WWOX: variants seen among roughly 807,000 people sequenced by gnomAD.
WWOX encodes WW domain containing oxidoreductase.
A neutral mutation model predicts 46.2 loss-of-function variants in WWOX; 69 were observed. The observed-to-expected ratio is 1.49, with a 90% CI of 1.23 to 1.82. The LOEUF (loss-of-function observed/expected upper bound fraction) is 1.82. Ranked by LOEUF, WWOX falls within the 40% of genes most tolerant of loss-of-function variation. WWOX has a pLI of 0.00. For synonymous variants in WWOX, 359 were observed against 202.6 expected (o/e 1.77, Z -6.56); for missense variants, 919 against 542.6 (o/e 1.69, Z -6.89).
At chr16:78,931,744 T>C (rs960499133) in intron 8 of WWOX, among the ~76,000 whole-genome samples, 1 of 152,180 alleles carries the variant, frequency 6.6e-6, no homozygotes, top group Non-Finnish European at 1.5e-5. Flanking sequence ...GGGCAGAAGT[T>C]TGAAGGCAAT....
intron 5 of WWOX, among the ~76,000 whole-genome samples, chr16:78,263,507 A>G (rs1241104977): frequency 6.6e-6 from 1 of 152,164 alleles, no homozygotes; most frequent in Non-Finnish European, 1.5e-5. Flanking sequence ...GCTCATTAAC[A>G]CCATGCAGTG....
chr16:78,248,453 A>G (rs1393647490), intron 5 of WWOX, among the ~76,000 whole-genome samples: 1 of 152,120 alleles, frequency 6.6e-6, no homozygotes, highest in African/African-American at 2.4e-5. Flanking sequence ...TTTGGACATG[A>G]AGGCTGGGTG....
chr16:79,085,385 G>A (rs1352372768), intron 8 of WWOX, among the ~76,000 whole-genome samples: 1 of 152,164 alleles, frequency 6.6e-6, no homozygotes, highest in African/African-American at 2.4e-5. Context: ...TCACTCTTCT[G>A]GGAGGTTCCC....
intron 5 of WWOX, among the ~76,000 whole-genome samples, chr16:78,284,564 T>C (rs1338703063): frequency 6.6e-6 from 1 of 152,246 alleles, no homozygotes; most frequent in Admixed American, 6.5e-5. Flanking sequence ...TACTCTTTTC[T>C]TGGACACAGT....
At chr16:78,672,293 C>T (rs1230174077) in intron 8 of WWOX, among the ~76,000 whole-genome samples, 2 of 152,152 alleles carry the variant, frequency 1.3e-5, no homozygotes, top group Non-Finnish European at 2.9e-5. Flanking sequence ...CAAATGCAAG[C>T]AGGGGCATTC....
At chr16:78,783,425 G>A (rs997165458) in intron 8 of WWOX, among the ~76,000 whole-genome samples, 1 of 152,214 alleles carries the variant, frequency 6.6e-6, no homozygotes, top group Admixed American at 6.5e-5. Flanking sequence ...AAGAGAGGAA[G>A]GAGTTTGTAC....
chr16:78,387,356 C>G (rs1264344752), intron 6 of WWOX, among the ~76,000 whole-genome samples: 1 of 152,150 alleles, frequency 6.6e-6, no homozygotes, highest in Non-Finnish European at 1.5e-5. Context: ...AATCCAAGCA[C>G]CCAAAAGACC....
chr16:78,109,765 T>C lies in WWOX; in HGVS notation c.173-13T>C, dbSNP rs1348961181. On this transcript the variant is annotated splice_polypyrimidine_tract_variant and intron_variant, in intron 2 of 8. Transcript: ENST00000566780. ...TCCCTGGCACCTGTAGACCTGTCTT[T>C]CTTGTGTTTCAGATTTGCCATACGG... The C allele has an allele frequency of 6.2e-7, 1 of 1,614,172 alleles. No homozygotes were observed. Among genetic ancestry groups the C allele is most frequent in the Non-Finnish European group, 8.5e-7 (1 of 1,180,048 alleles).
intron 8 of WWOX, among the ~76,000 whole-genome samples, chr16:78,830,090 A>T (rs1286469669): frequency 2.6e-5 from 4 of 151,988 alleles, no homozygotes; most frequent in Non-Finnish European, 5.9e-5. Context: ...ACATAGGGAG[A>T]CCCTCATCTC....
intron 5 of WWOX, among the ~76,000 whole-genome samples, chr16:78,359,889 A>C (rs185153754): frequency 7.1e-4 from 108 of 152,314 alleles, no homozygotes; most frequent in Non-Finnish European, 1.1e-3. Context: ...ATGAGGAATG[A>C]ATTTTGTGAC....
chr16:78,563,800 TC>T (rs1288948216), intron 8 of WWOX, among the ~76,000 whole-genome samples: 1 of 152,138 alleles, frequency 6.6e-6, no homozygotes, highest in Non-Finnish European at 1.5e-5. Context: ...CACCAATTCT[TC>T]CCTGTCCCCT....
chr16:78,481,724 AGTGTGTGTGTGTGTGTGT>A (rs67780639), intron 8 of WWOX, among the ~76,000 whole-genome samples: 4 of 137,048 alleles, frequency 2.9e-5, no homozygotes, highest in African/African-American at 8.1e-5. Flanking sequence ...GGGCAAGGGA[AGTGTGTGTGTGTGTGTGT>A]GTGTGTGTGT....
At chr16:79,200,603 C>G (rs189951145) in intron 8 of WWOX, among the ~76,000 whole-genome samples, 152 of 152,250 alleles carry the variant, frequency 1.0e-3, no homozygotes, top group African/African-American at 3.6e-3. Context: ...AAGAGACTCT[C>G]AGTAACCAGC....
intron 6 of WWOX, among the ~76,000 whole-genome samples, chr16:78,389,798 TG>T (rs1227339396): frequency 6.6e-6 from 1 of 152,192 alleles, no homozygotes; most frequent in Non-Finnish European, 1.5e-5. Context: ...TTGCCCAGGC[TG>T]AAGTGCAGTG....
intron 8 of WWOX, among the ~76,000 whole-genome samples, chr16:78,954,620 A>G (rs2046128118): frequency 6.6e-6 from 1 of 152,300 alleles, no homozygotes; most frequent in Non-Finnish European, 1.5e-5. Context: ...ATAAGAACAA[A>G]TAAGATACAG....
At chr16:78,693,429 A>G (rs114738693) in intron 8 of WWOX, among the ~76,000 whole-genome samples, 1,790 of 152,198 alleles carry the variant, frequency 0.012, 33 homozygotes, top group African/African-American at 0.041. Flanking sequence ...CAGCCACCCT[A>G]TATGCCTATT....
chr16:79,148,828 C>G (rs1045117174), intron 8 of WWOX, among the ~76,000 whole-genome samples: 3 of 140,018 alleles, frequency 2.1e-5, no homozygotes, highest in Admixed American at 6.8e-5. Flanking sequence ...CTACATATAT[C>G]TAGAAATATG....
At chr16:78,892,420 C>T (rs2044610371) in intron 8 of WWOX, 1 of 152,192 alleles carries the variant, frequency 6.6e-6, no homozygotes. Flanking sequence ...GGGAAACATC[C>T]TTTCATGTTG....
intron 8 of WWOX, among the ~76,000 whole-genome samples, chr16:78,638,002 T>G (rs1368454676): frequency 2.0e-5 from 3 of 152,204 alleles, no homozygotes; most frequent in Non-Finnish European, 4.4e-5. Flanking sequence ...CACCTGTCTG[T>G]GCAGTGTTTG....
Sources: gnomAD v4.1 joint callset for allele counts (sites outside exome capture counted in the v4.1 genomes callset) on GRCh38, gnomAD v4.1.1 for gene constraint, MANE v1.5 for transcripts, NCBI Gene and HGNC (gene_info 2026-07-23, HGNC 2026-07-21) for gene names.